The following ARMC12 variants were observed in gnomAD, a reference collection of about 807,000 sequenced individuals.
ARMC12 encodes armadillo repeat containing 12, also known as armadillo repeat-containing protein 12.
ARMC12 carries 25 observed loss-of-function variants against 37.4 expected under a neutral mutation model. The observed-to-expected ratio is 0.67, with a 90% CI of 0.49 to 0.93. The LOEUF is 0.93. ARMC12 is among the 40% of genes least tolerant of loss of function. The pLI, the probability that ARMC12 is intolerant of heterozygous loss-of-function variation, is 0.00. For missense variants in ARMC12, 384 were observed against 426.6 expected (o/e 0.90, Z 0.88); for synonymous variants, 167 against 176.1 (o/e 0.95, Z 0.41).
chr6:35,740,414 A>G (rs1392336562), intron 3 of ARMC12, among the ~76,000 whole-genome samples: 1 of 152,086 alleles, frequency 6.6e-6, no homozygotes, highest in Non-Finnish European at 1.5e-5. Flanking sequence ...CTCCCCCATC[A>G]GCATGCAGTA....
chr6:35,733,216 G>C (rs184859403), upstream of ARMC12, among the ~76,000 whole-genome samples: 15 of 152,266 alleles, frequency 9.9e-5, no homozygotes, highest in African/African-American at 3.1e-4. Context: ...ACCAGCGTGA[G>C]AGGTAGTGGG....
At chr6:35,744,902 A>T (rs1767291225) in intron 3 of ARMC12, among the ~76,000 whole-genome samples, 1 of 152,238 alleles carries the variant, frequency 6.6e-6, no homozygotes, top group South Asian at 2.1e-4. Context: ...AGGGAAATGC[A>T]ATGAAGACCA....
At chr6:35,742,877 G>A (rs996848349) in intron 3 of ARMC12, among the ~76,000 whole-genome samples, 17 of 152,222 alleles carry the variant, frequency 1.1e-4, no homozygotes, top group Non-Finnish European at 2.4e-4. Context: ...AGGCCATCAG[G>A]CCCTTTGGGT....
upstream of ARMC12, among the ~76,000 whole-genome samples, chr6:35,736,464 T>G (rs963131519): frequency 6.6e-6 from 1 of 152,206 alleles, no homozygotes; most frequent in African/African-American, 2.4e-5. Context: ...GGACCTCTGC[T>G]GCCCTCTAAT....
rs56354119 is a variant in ARMC12, at chr6:35,737,054, C to T, written c.-55C>T. On this transcript the variant is annotated 5_prime_UTR_variant, in exon 1 of 6. Transcript: ENST00000373866. ...GCCAGAGTTCTGGTTCCGGAAGGCCCCCCACAGGTGCCTTGGGCCTAGCTC... is the reference window on the plus strand; with the variant it reads ...GCCAGAGTTCTGGTTCCGGAAGGCCTCCCACAGGTGCCTTGGGCCTAGCTC... The T allele has an allele frequency of 2.1e-4, 339 of 1,601,252 alleles. No individual in the cohort carries two copies. Among genetic ancestry groups the T allele is most frequent in the Middle Eastern group, 1.2e-3 (7 of 5,602 alleles).
At position 35,743,945 on chromosome 6, in the gene ARMC12, CAAAAAAA is replaced by C. The variant is rs575151896; in HGVS notation, c.445-3309_445-3303del. Among the ~76,000 whole-genome samples, 32 of 88,804 alleles carry C rather than the reference CAAAAAAA, an allele frequency of 3.6e-4. No individual in the cohort carries two copies. In the Admixed American group the frequency reaches 3.7e-3, roughly 10 times the overall value. The allele number at this position is 88,804 out of a possible 152,430, so 58.3% of individuals were successfully genotyped here. A position where few individuals can be genotyped will look rare whatever the true frequency, so the allele number is the denominator to read the frequency against. ...GTTTGATGGGAGTGAGACTCCATCTCAAAAAAAAAAAAAGAAAAAAGAAAAAGAAAAT... is the reference window on the plus strand; with the variant it reads ...GTTTGATGGGAGTGAGACTCCATCTCAAAAAAGAAAAAAGAAAAAGAAAAT... On this transcript the variant is annotated intron_variant, in intron 3 of 5. Transcript: ENST00000373866.
At chr6:35,738,931 T>C (rs1438244414) in intron 3 of ARMC12, among the ~76,000 whole-genome samples, 1 of 152,194 alleles carries the variant, frequency 6.6e-6, no homozygotes. Flanking sequence ...CAATCATAGG[T>C]CTGACTTCTG....
intron 1 of ARMC12, among the ~76,000 whole-genome samples, chr6:35,737,700 G>A (rs1561918709): frequency 6.6e-6 from 1 of 152,148 alleles, no homozygotes; most frequent in African/African-American, 2.4e-5. Flanking sequence ...AGCCCCTTCT[G>A]CAAGACTCTT....
intron 3 of ARMC12, among the ~76,000 whole-genome samples, chr6:35,741,396 C>T (rs758023069): frequency 2.7e-5 from 4 of 149,976 alleles, no homozygotes; most frequent in South Asian, 2.1e-4. Context: ...CATAACCTAA[C>T]GTTTGATAAT....
chr6:35,748,690 A>G lies in ARMC12; in HGVS notation c.843A>G (p.Glu281=). 6.2e-7 allele frequency: 1 copy of G among 1,614,118 alleles called. No homozygotes were observed. The highest frequency in any genetic ancestry group is 8.5e-7 in the Non-Finnish European group (1 of 1,180,034). ...ATTACAACGAACAGTCCCTGCATGA[A>G]TCCCTCTTTGGGGAAGAGTCCCGAC... ...KWHYNEQSLH[E]SLFGEESRLA... Residue 281 remains glutamate (E), a synonymous_variant, in exon 6 of 6, where the codon GAA becomes GAG. Transcript: ENST00000373866.
intron 3 of ARMC12, among the ~76,000 whole-genome samples, 185 bp downstream of exon 3, chr6:35,738,703 A>G (rs1476557730): frequency 6.6e-6 from 1 of 152,124 alleles, no homozygotes; most frequent in Non-Finnish European, 1.5e-5. Flanking sequence ...TTTCAGGATG[A>G]AACTGAATTG....
intron 3 of ARMC12, among the ~76,000 whole-genome samples, chr6:35,742,154 GT>G (rs1287364396): frequency 1.3e-5 from 2 of 151,870 alleles, no homozygotes; most frequent in Non-Finnish European, 2.9e-5. Context: ...ACCACACCTG[GT>G]CAGGCTGTGA....
chr6:35,741,696 A>G (rs1767173698), intron 3 of ARMC12, among the ~76,000 whole-genome samples: 1 of 152,212 alleles, frequency 6.6e-6, no homozygotes, highest in Admixed American at 6.6e-5. Context: ...CTGGGATTAC[A>G]GACATGAGCC....
At chr6:35,741,244 TC>T (rs1767158821) in intron 3 of ARMC12, among the ~76,000 whole-genome samples, 1 of 152,164 alleles carries the variant, frequency 6.6e-6, no homozygotes, top group Admixed American at 6.5e-5. Flanking sequence ...ATTCCTGTGT[TC>T]GTCTCCCTTG....
At chr6:35,736,639 C>G (rs1766972806), upstream of ARMC12, among the ~76,000 whole-genome samples, 2 of 151,546 alleles carry the variant, frequency 1.3e-5, no homozygotes, top group South Asian at 4.2e-4. Context: ...GAAATGGAGT[C>G]TTGCTCTGTC....
chr6:35,736,450 A>G (rs887004857), upstream of ARMC12, among the ~76,000 whole-genome samples: 6 of 152,156 alleles, frequency 3.9e-5, no homozygotes, highest in South Asian at 4.1e-4. Flanking sequence ...CCCAGCCCGG[A>G]AATGGACCTC....
chr6:35,747,527 A>G, intron 4 of ARMC12, 49 bp from the exon 5 acceptor site: 1 of 1,612,434 alleles, frequency 6.2e-7, no homozygotes, highest in Non-Finnish European at 8.5e-7. Flanking sequence ...TTCCTTGCTG[A>G]GGCCCAGACT....
chr6:35,744,746 C>T (rs562687377), intron 3 of ARMC12, among the ~76,000 whole-genome samples: 8 of 152,228 alleles, frequency 5.3e-5, no homozygotes, highest in Middle Eastern at 3.4e-3. Flanking sequence ...CAGAGTGAGA[C>T]TCTGTCTAAA....
chr6:35,747,192 G>A, intron 3 of ARMC12, 69 bp from the exon 4 acceptor site: 1 of 1,537,768 alleles, frequency 6.5e-7, no homozygotes, highest in Non-Finnish European at 8.9e-7. Context: ...ACAGTGAAGA[G>A]TAAAGTCAGA....
Sources: gnomAD v4.1 joint callset for allele counts (sites outside exome capture counted in the v4.1 genomes callset) on GRCh38, gnomAD v4.1.1 for gene constraint, MANE v1.5 for transcripts, NCBI Gene and HGNC (gene_info 2026-07-23, HGNC 2026-07-21) for gene names.